PPP1R37: variants seen among roughly 807,000 people sequenced by gnomAD.
The protein encoded by PPP1R37 is protein phosphatase 1 regulatory subunit 37, also known as leucine rich repeat containing 68.
Under a neutral mutation model 61.0 loss-of-function variants are expected in PPP1R37, and 21 were observed. That is an observed-to-expected ratio of 0.34 (90% CI 0.24 to 0.50). PPP1R37 has a LOEUF of 0.50. PPP1R37 is among the 20% of genes least tolerant of loss of function. The probability of loss-of-function intolerance (pLI) is 0.98; values close to 1 mark genes in which losing one functional copy is unlikely to be tolerated. For synonymous variants in PPP1R37, 443 were observed against 433.5 expected (o/e 1.02, Z -0.27); for missense variants, 910 against 952.7 (o/e 0.96, Z 0.59).
intron 4 of PPP1R37, 64 bp downstream of exon 4, chr19:45,140,670 G>A (rs1968599415): frequency 3.9e-6 from 5 of 1,273,494 alleles, no homozygotes; most frequent in Middle Eastern, 1.8e-4. Context: ...AGGTTTGGGT[G>A]GGGAGAGGAC....
intron 1 of PPP1R37, among the ~76,000 whole-genome samples, chr19:45,122,580 TA>T (rs1968355378): frequency 6.6e-6 from 1 of 152,104 alleles, no homozygotes; most frequent in Admixed American, 6.6e-5. Context: ...TTCATAGTGA[TA>T]AAGGGGCTGA....
At chr19:45,144,562 G>A (rs1225906624) in intron 8 of PPP1R37, 4 of 424,294 alleles carry the variant, frequency 9.4e-6, no homozygotes, top group African/African-American at 2.1e-5. Context: ...GCTTCAGGGC[G>A]CTCAAGGTCC....
rs1968706117 is a variant in PPP1R37, at chr19:45,146,667, G to T, written c.*105G>T. Reference sequence around the variant, plus strand: ...CTTCCTGAGGCCCAGGATGCCAGGGGTGGGGGCCATTCTGGGGCCCCCCTC... The same window carrying T: ...CTTCCTGAGGCCCAGGATGCCAGGGTTGGGGGCCATTCTGGGGCCCCCCTC... On this transcript the variant is annotated 3_prime_UTR_variant, in exon 13 of 13. Coordinates refer to ENST00000221462, the MANE Select transcript of PPP1R37 (RefSeq NM_019121.2). 3.9e-5 allele frequency: 22 copies of T among 558,122 alleles called. No homozygotes were observed. Among genetic ancestry groups the T allele is most frequent in the Non-Finnish European group, 6.7e-5 (21 of 311,958 alleles). The allele number at this position is 558,122 out of a possible 1,614,324, so 34.6% of individuals were successfully genotyped here.
At chr19:45,106,293 G>A (rs1012850735) in intron 1 of PPP1R37, among the ~76,000 whole-genome samples, 8 of 152,094 alleles carry the variant, frequency 5.3e-5, no homozygotes, top group African/African-American at 1.7e-4. Flanking sequence ...CCAGGCTGGA[G>A]TACAGTGGCA....
At chr19:45,133,157 A>AACCTCC (rs1269675431) in intron 1 of PPP1R37, among the ~76,000 whole-genome samples, 1 of 151,874 alleles carries the variant, frequency 6.6e-6, no homozygotes, top group Admixed American at 6.6e-5. Flanking sequence ...AGCTCACCAC[A>AACCTCC]ACCTCCACCT....
At chr19:45,100,356 A>G (rs989316031) in intron 1 of PPP1R37, 1 of 152,162 alleles carries the variant, frequency 6.6e-6, no homozygotes, top group Non-Finnish European at 1.5e-5. Context: ...CAGGTGGGTT[A>G]AATTCTTGCC....
chr19:45,146,686 C>T lies in PPP1R37; in HGVS notation c.*124C>T. ...CCAGGGGTGGGGGCCATTCTGGGGC[C>T]CCCCTCCCCCCACAGCAACACTACA... On this transcript the variant is annotated 3_prime_UTR_variant, in exon 13 of 13. Transcript: ENST00000221462. The T allele has an allele frequency of 1.9e-6, 1 of 532,292 alleles. No individual in the cohort carries two copies. Among genetic ancestry groups the T allele is most frequent in the Admixed American group, 3.2e-5 (1 of 31,310 alleles). The allele number at this position is 532,292 out of a possible 1,614,324, so 33.0% of individuals were successfully genotyped here. A position where few individuals can be genotyped will look rare whatever the true frequency, so the allele number is the denominator to read the frequency against.
intron 1 of PPP1R37, among the ~76,000 whole-genome samples, chr19:45,115,664 C>T (rs866485160): frequency 6.6e-6 from 1 of 152,096 alleles, no homozygotes; most frequent in African/African-American, 2.4e-5. Context: ...TGCCATTGCT[C>T]GTAAAAATTA....
At chr19:45,099,691 CTG>C (rs1438786763) in intron 1 of PPP1R37, among the ~76,000 whole-genome samples, 2 of 152,388 alleles carry the variant, frequency 1.3e-5, no homozygotes, top group Non-Finnish European at 2.9e-5. Flanking sequence ...AGGGCAAAGA[CTG>C]TGTATGAGTC....
intron 1 of PPP1R37, among the ~76,000 whole-genome samples, chr19:45,124,259 G>A (rs1205861247): frequency 6.6e-6 from 1 of 152,114 alleles, no homozygotes; most frequent in Non-Finnish European, 1.5e-5. Flanking sequence ...GAAGTAGTAA[G>A]CAGTGAGAGC....
intron 1 of PPP1R37, among the ~76,000 whole-genome samples, chr19:45,119,931 G>C (rs1041152635): frequency 6.6e-6 from 1 of 151,988 alleles, no homozygotes; most frequent in African/African-American, 2.4e-5. Flanking sequence ...CTTTGTTCCT[G>C]GTTCCCGGCT....
At chr19:45,112,302 G>T (rs1408100064) in intron 1 of PPP1R37, among the ~76,000 whole-genome samples, 3 of 152,228 alleles carry the variant, frequency 2.0e-5, no homozygotes, top group Non-Finnish European at 4.4e-5. Context: ...GATGACAGGC[G>T]TGGGATTACC....
At chr19:45,113,003 T>C (rs76446995) in intron 1 of PPP1R37, among the ~76,000 whole-genome samples, 17,226 of 152,246 alleles carry the variant, frequency 0.11, 1,325 homozygotes, top group Non-Finnish European at 0.17. Flanking sequence ...CCTTTACCTG[T>C]GCTGGGCTCT....
Position 45,093,455 on chromosome 19 carries a change from A to G in PPP1R37, c.130A>G (p.Lys44Glu). Residue 44 changes from lysine (K) to glutamate (E), a missense_variant, in exon 1 of 13, where the codon AAG becomes GAG. By Grantham distance (56) the Lys-to-Glu change is moderately conservative. Coordinates refer to ENST00000221462, the MANE Select transcript of PPP1R37 (RefSeq NM_019121.2). ...CGATGGGCGCCTCAAGGCTGCAGCC[A>G]AGCGCGTCACATTCCCGTCCGACGA... ...PADGRLKAAA[K>E]RVTFPSDEDI... The G allele has an allele frequency of 6.5e-7, 1 of 1,535,542 alleles. No individual in the cohort carries two copies. Among genetic ancestry groups the G allele is most frequent in the Non-Finnish European group, 8.7e-7 (1 of 1,146,742 alleles).
At chr19:45,112,331 G>A (rs1295094246) in intron 1 of PPP1R37, among the ~76,000 whole-genome samples, 1 of 152,212 alleles carries the variant, frequency 6.6e-6, no homozygotes, top group East Asian at 1.9e-4. Context: ...CATTTCACCT[G>A]GGGCGTGAGC....
chr19:45,146,591 T>A lies in PPP1R37; in HGVS notation c.*29T>A. On this transcript the variant is annotated 3_prime_UTR_variant, in exon 13 of 13. Transcript: ENST00000221462. ...CCAAGTTCCCTTTTTCCGGTCGGTC[T>A]GCGATGAGCTGAGGCCAGAGCCATG... is the stretch of plus-strand genomic sequence containing the variant. The A allele has an allele frequency of 1.3e-6, 1 of 744,306 alleles. No individual in the cohort carries two copies. The highest frequency in any genetic ancestry group is 2.2e-6 in the Non-Finnish European group (1 of 454,558). The allele number at this position is 744,306 out of a possible 1,614,324, so 46.1% of individuals were successfully genotyped here. A position where few individuals can be genotyped will look rare whatever the true frequency, so the allele number is the denominator to read the frequency against.
chr19:45,109,891 C>T (rs936830336), intron 1 of PPP1R37, among the ~76,000 whole-genome samples: 22 of 152,172 alleles, frequency 1.4e-4, no homozygotes, highest in African/African-American at 5.3e-4. Flanking sequence ...CCCCTCTGCC[C>T]TGTTGGAGGG....
At position 45,114,710 on chromosome 19, in the gene PPP1R37, G is replaced by A. The variant is rs146367980; in HGVS notation, c.202+21183G>A. Among the ~76,000 whole-genome samples the A allele has an allele frequency of 2.4e-3, 361 of 152,202 alleles. 1 individual carries two copies. Among genetic ancestry groups the A allele is most frequent in the Non-Finnish European group, 4.3e-3 (292 of 68,010 alleles). On this transcript the variant is annotated intron_variant, in intron 1 of 12. Transcript: ENST00000221462. ...ACCTATAATTCCAGCACTTTGGGAG[G>A]CCGAGGCAGGAGGATCACTTGAGGC...
chr19:45,136,180 G>T (rs1176810045), intron 1 of PPP1R37: 2 of 152,236 alleles, frequency 1.3e-5, no homozygotes, highest in Non-Finnish European at 2.9e-5. Flanking sequence ...GAATTGACAT[G>T]TGAAGCGATA....
Sources: allele counts gnomAD v4.1 joint callset (sites outside exome capture counted in the v4.1 genomes callset), GRCh38; gene constraint gnomAD v4.1.1; transcripts MANE v1.5; gene names NCBI Gene and HGNC (gene_info 2026-07-23, HGNC 2026-07-21).